Variants in IQCH observed in about 807,000 individuals in gnomAD.
IQCH encodes the protein IQ domain-containing protein H.
IQCH carries 98 observed loss-of-function variants against 117.0 expected under a neutral mutation model. The observed-to-expected ratio is 0.84, with a 90% CI of 0.71 to 0.99. The LOEUF is 0.99. Ranked by LOEUF, IQCH falls within the 50% of genes least tolerant of loss-of-function variation. The pLI is 0.00. For synonymous variants in IQCH, 412 were observed against 448.2 expected, an observed-to-expected ratio of 0.92 and a Z score of 1.02; for missense variants, 1,102 against 1,243.8, an observed-to-expected ratio of 0.89 and a Z score of 1.72.
intron 4 of IQCH, among the ~76,000 whole-genome samples, chr15:67,328,787 A>G (rs1252864820): frequency 6.6e-6 from 1 of 152,232 alleles, no homozygotes; most frequent in East Asian, 1.9e-4. Context: ...AAAGCCAGAT[A>G]CAAAAGAATA....
In IQCH at chr15:67,452,285, T is replaced by C. The variant is rs569728406; in HGVS notation, c.2506-12842T>C. ...TGTCATTATGATGTTAGCTGGTTAT[T>C]TTGCTCGTTAGTTGATGCAGTTTCT... On this transcript the variant is annotated intron_variant, in intron 16 of 20. Transcript: ENST00000335894. Among the ~76,000 whole-genome samples, 433 of 152,326 alleles carry C rather than the reference T, an allele frequency of 2.8e-3. 1 individual carries two copies. Among genetic ancestry groups the C allele is most frequent in the Middle Eastern group, 6.8e-3 (2 of 294 alleles).
chr15:67,255,163 A>T, intron 1 of IQCH: 1 of 596,084 alleles, frequency 1.7e-6, no homozygotes, highest in South Asian at 2.0e-5. Context: ...CAGAAGCAGG[A>T]CTTTCTGCCT....
Position 67,371,223 on chromosome 15 carries a change from G to A in IQCH, c.754-888G>A, listed in dbSNP as rs866510238. On this transcript the variant is annotated intron_variant, in intron 8 of 20. Transcript: ENST00000335894. Reference sequence around the variant, plus strand: ...AGCCATCAGGAACATTTAGATCTTGGGCAGAGTGTCTGTTTTCAGTAGAAT... The same window carrying A: ...AGCCATCAGGAACATTTAGATCTTGAGCAGAGTGTCTGTTTTCAGTAGAAT... Among the ~76,000 whole-genome samples, 38 of 152,144 alleles carry A rather than the reference G, an allele frequency of 2.5e-4. 1 individual carries two copies. In the Middle Eastern group the frequency reaches 0.014, roughly 54 times the overall value.
intron 4 of IQCH, among the ~76,000 whole-genome samples, chr15:67,287,910 A>G (rs1384710050): frequency 6.6e-6 from 1 of 151,888 alleles, no homozygotes; most frequent in Non-Finnish European, 1.5e-5. Flanking sequence ...CATTGCCTTC[A>G]CTATATCCCA....
At chr15:67,316,963 G>A (rs566468039) in intron 4 of IQCH, among the ~76,000 whole-genome samples, 8 of 152,266 alleles carry the variant, frequency 5.3e-5, no homozygotes, top group African/African-American at 1.9e-4. Flanking sequence ...GCCCCAATCT[G>A]AGGCAGAAGT....
chr15:67,356,053 A>G lies in IQCH; in HGVS notation c.638-1292A>G, dbSNP rs1336417670. ...TTTTCTGCAAGAACCTGAAAGTTAA[A>G]CAAAAATTGTACTGAGTCTGCAGAC... On this transcript the variant is annotated intron_variant, in intron 6 of 20. Transcript: ENST00000335894. The surrounding 1 kb of genome is among the most constrained non-coding windows in gnomAD (Gnocchi z 5.3). 2.6e-5 allele frequency among the ~76,000 whole-genome samples: 4 copies of G among 152,208 alleles called. No homozygotes were observed. Among genetic ancestry groups the G allele is most frequent in the Non-Finnish European group, 5.9e-5 (4 of 68,018 alleles).
intron 4 of IQCH, among the ~76,000 whole-genome samples, chr15:67,288,832 C>G (rs1460011174): frequency 6.6e-6 from 1 of 152,112 alleles, no homozygotes; most frequent in African/African-American, 2.4e-5. Flanking sequence ...GACAAATAAA[C>G]ATCATCTGAG....
intron 14 of IQCH, among the ~76,000 whole-genome samples, chr15:67,415,076 A>G (rs1194586628): frequency 1.3e-5 from 2 of 152,206 alleles, no homozygotes; most frequent in African/African-American, 4.8e-5. Context: ...AAACAAGTGT[A>G]AAACAAAAGA....
At chr15:67,341,064 A>T (rs574597373) in intron 5 of IQCH, among the ~76,000 whole-genome samples, 1 of 152,242 alleles carries the variant, frequency 6.6e-6, no homozygotes, top group Admixed American at 6.5e-5. Flanking sequence ...AAATACAAAA[A>T]TGAGCCGGGT....
chr15:67,394,998 G>T (rs1477920068), intron 12 of IQCH, among the ~76,000 whole-genome samples: 1 of 152,062 alleles, frequency 6.6e-6, no homozygotes, highest in Admixed American at 6.6e-5. Flanking sequence ...TTACCCAAAG[G>T]CCGCCAGCCT....
chr15:67,269,407 A>G (rs1016997707), intron 3 of IQCH, among the ~76,000 whole-genome samples: 16 of 152,286 alleles, frequency 1.1e-4, no homozygotes, highest in African/African-American at 3.9e-4. Flanking sequence ...GGATAATTTG[A>G]TACCTTCTTC....
rs139088496 is a variant in IQCH, at chr15:67,496,584, C to T, written c.2970+2218C>T. The stretch of plus-strand genomic sequence containing the variant: ...AAGGCGCTGGGTGCAGTGGCCCCCA[C>T]CTGTAATCCCAGCACTTTGGGAGGC... On this transcript the variant is annotated intron_variant, in intron 20 of 20. Coordinates refer to ENST00000335894, the MANE Select transcript of IQCH (RefSeq NM_001031715.3). The surrounding 1 kb of genome is among the most constrained non-coding windows in gnomAD (Gnocchi z 4.4). 1.1e-3 allele frequency among the ~76,000 whole-genome samples: 168 copies of T among 152,252 alleles called. No homozygotes were observed. In the East Asian group the frequency reaches 0.031, roughly 28 times the overall value.
rs1971061068 is a variant in IQCH, at chr15:67,384,938, T to C, written c.1375T>C (p.Tyr459His). The C allele has an allele frequency of 6.2e-7, 1 of 1,607,148 alleles. No individual in the cohort carries two copies. The highest frequency in any genetic ancestry group is 8.5e-7 in the Non-Finnish European group (1 of 1,173,998). The stretch of plus-strand genomic sequence containing the variant: ...TTGACACCTTGTTTGCCTTTTAGGG[T>C]ATTCCCAGCCTGTGAGAGAACATAT... The part of the protein sequence containing the change: ...RTIIHIPSLG[Y>H]SQPVREHIAD... Residue 459 changes from tyrosine to histidine, a missense_variant and splice_region_variant, in exon 11 of 21, where the codon TAT (tyrosine) becomes CAT (histidine). Tyr to His is a moderately conservative substitution (Grantham distance 83). This residue lies in a region of IQCH where 650 missense variants were observed against 794.3 expected (regional missense o/e 0.82). Transcript: ENST00000335894. This position sits in a 1 kb window ranked among gnomAD's most constrained non-coding sequence, Gnocchi z 4.3.
chr15:67,309,249 T>C (rs1967464645), intron 4 of IQCH, among the ~76,000 whole-genome samples: 1 of 152,122 alleles, frequency 6.6e-6, no homozygotes, highest in African/African-American at 2.4e-5. Flanking sequence ...TATATTGTAT[T>C]GTGCCATTGT....
rs143954763 is a variant in IQCH at position 67,293,914 on chromosome 15, T to C, written c.387+14402T>C. Among the ~76,000 whole-genome samples, 44 of 152,238 alleles carry C rather than the reference T, an allele frequency of 2.9e-4. 1 individual carries two copies. The East Asian group carries it at 8.3e-3, about 29-fold the overall frequency. On this transcript the variant is annotated intron_variant, in intron 4 of 20. Transcript: ENST00000335894. ...AGGAGGGGCCAGATCTTGTAGACCA[T>C]TGTGAGACTTTGGATATTACCGAGG...
Position 67,491,123 on chromosome 15 carries a change from C to G in IQCH, c.2861+1059C>G, listed in dbSNP as rs2083642396. Among the ~76,000 whole-genome samples the G allele has an allele frequency of 6.6e-6, 1 of 152,142 alleles. No homozygotes were observed. Among genetic ancestry groups the G allele is most frequent in the South Asian group, 2.1e-4 (1 of 4,830 alleles). On this transcript the variant is annotated intron_variant, in intron 19 of 20. Coordinates refer to ENST00000335894, the MANE Select transcript of IQCH (RefSeq NM_001031715.3). The surrounding 1 kb of genome is among the most constrained non-coding windows in gnomAD (Gnocchi z 4.9). Reference sequence around the variant, plus strand: ...AAACATATACACAAAGATCTGGTCTCATAAAAACTAACCAAATAAGAGCCA... The same window carrying G: ...AAACATATACACAAAGATCTGGTCTGATAAAAACTAACCAAATAAGAGCCA...
intron 15 of IQCH, among the ~76,000 whole-genome samples, chr15:67,418,513 C>CCACACACACACA (rs368875296): frequency 0.12 from 14,065 of 113,828 alleles, 1,037 homozygotes; most frequent in Non-Finnish European, 0.14. Context: ...CAAGTGGCTA[C>CCACACACACACA]CACACACACA....
chr15:67,437,157 C>T (rs2082158894), intron 16 of IQCH, among the ~76,000 whole-genome samples: 2 of 152,310 alleles, frequency 1.3e-5, no homozygotes, highest in Admixed American at 1.3e-4. Context: ...ATTGCATCCC[C>T]CGCCACCTCC....
At chr15:67,327,384 CTCCATGATTTGA>C (rs1968458570) in intron 4 of IQCH, among the ~76,000 whole-genome samples, 1 of 152,030 alleles carries the variant, frequency 6.6e-6, no homozygotes, top group African/African-American at 2.4e-5. Context: ...TATTTTGATA[CTCCATGATTTGA>C]TGATACATTG....
Sources: allele counts gnomAD v4.1 joint callset (sites outside exome capture counted in the v4.1 genomes callset), GRCh38; gene constraint gnomAD v4.1.1; regional missense constraint gnomAD v4.1.1; non-coding constraint Gnocchi (gnomAD v3.1); transcripts MANE v1.5; gene names NCBI Gene and HGNC (gene_info 2026-07-23, HGNC 2026-07-21).